WDPCP: variants seen among roughly 807,000 people sequenced by gnomAD.
WDPCP encodes the protein WD repeat containing planar cell polarity effector.
Under a neutral mutation model 93.1 loss-of-function variants are expected in WDPCP, and 71 were observed. That is an observed-to-expected ratio of 0.76 (90% CI 0.63 to 0.93). The LOEUF is 0.93. Among genes scored for constraint, WDPCP ranks in the 40% least tolerant of loss-of-function variants. The pLI, the probability that WDPCP is intolerant of heterozygous loss-of-function variation, is 0.00. For synonymous variants in WDPCP, 315 were observed against 315.0 expected, an observed-to-expected ratio of 1.00 and a Z score of 0.00; for missense variants, 844 against 887.4, an observed-to-expected ratio of 0.95 and a Z score of 0.62.
intron 17 of WDPCP, among the ~76,000 whole-genome samples, chr2:63,143,542 T>C (rs769499289): frequency 5.9e-5 from 9 of 152,236 alleles, no homozygotes; most frequent in Non-Finnish European, 1.0e-4. Flanking sequence ...TCCTGTGTGA[T>C]TTATGCTTTA....
At chr2:63,652,586 C>T (rs1014631417) in intron 2 of WDPCP, among the ~76,000 whole-genome samples, 4 of 152,204 alleles carry the variant, frequency 2.6e-5, no homozygotes, top group Non-Finnish European at 4.4e-5. Context: ...AGCACTGGAG[C>T]TTCATTTTCT....
chr2:63,403,205 A>T (rs1432068968), intron 10 of WDPCP, among the ~76,000 whole-genome samples: 1 of 152,206 alleles, frequency 6.6e-6, no homozygotes, highest in Non-Finnish European at 1.5e-5. Flanking sequence ...TCTCACTTAT[A>T]AGTGGGAGCT....
chr2:63,746,865 T>G (rs1459621244), intron 2 of WDPCP, among the ~76,000 whole-genome samples: 1 of 152,164 alleles, frequency 6.6e-6, no homozygotes. Context: ...TTCTGCCTTG[T>G]GATCTTTTGT....
chr2:63,244,766 T>C (rs185237815), intron 14 of WDPCP, among the ~76,000 whole-genome samples: 231 of 152,300 alleles, frequency 1.5e-3, no homozygotes, highest in Non-Finnish European at 2.5e-3. Context: ...ACATTTCCCC[T>C]CTTTGCTGCT....
the WDPCP span, among the ~76,000 whole-genome samples, chr2:63,834,698 A>T: frequency 6.6e-6 from 1 of 152,204 alleles, no homozygotes; most frequent in Non-Finnish European, 1.5e-5. Context: ...CAGGCCTCTT[A>T]TCCAAGGTGA....
chr2:63,719,743 T>C (rs1316038749), intron 2 of WDPCP, among the ~76,000 whole-genome samples: 1 of 152,178 alleles, frequency 6.6e-6, no homozygotes, highest in Non-Finnish European at 1.5e-5. Flanking sequence ...TATAAAAGTT[T>C]ATAAATTATA....
chr2:63,334,074 G>A (rs1315956936), intron 12 of WDPCP, among the ~76,000 whole-genome samples: 1 of 152,190 alleles, frequency 6.6e-6, no homozygotes, highest in Non-Finnish European at 1.5e-5. Flanking sequence ...GGAATTCTGG[G>A]AGGGGTACCA....
At chr2:63,398,085 CT>C (rs1693877070) in intron 10 of WDPCP, among the ~76,000 whole-genome samples, 2 of 152,056 alleles carry the variant, frequency 1.3e-5, no homozygotes, top group Admixed American at 6.6e-5. Context: ...GGAAGGGATT[CT>C]TTTTCACTGA....
At chr2:63,453,182 G>C (rs1239472823) in intron 6 of WDPCP, among the ~76,000 whole-genome samples, 1 of 152,160 alleles carries the variant, frequency 6.6e-6, no homozygotes, top group African/African-American at 2.4e-5. Flanking sequence ...GAAAATTTTT[G>C]CAATCTACTC....
intron 9 of WDPCP, among the ~76,000 whole-genome samples, chr2:63,426,222 C>T (rs1220649101): frequency 6.6e-6 from 1 of 152,120 alleles, no homozygotes; most frequent in African/African-American, 2.4e-5. Flanking sequence ...CACCTGTAGT[C>T]CCAGCTACTC....
intron 2 of WDPCP, among the ~76,000 whole-genome samples, chr2:63,673,216 A>T (rs2106635241): frequency 6.6e-6 from 1 of 152,342 alleles, no homozygotes; most frequent in East Asian, 1.9e-4. Context: ...AGGAGATACC[A>T]AACCACTTAG....
chr2:63,513,248 T>A (rs180736900), intron 1 of WDPCP, among the ~76,000 whole-genome samples: 2 of 152,296 alleles, frequency 1.3e-5, no homozygotes, highest in East Asian at 3.9e-4. Flanking sequence ...AAATATAGTA[T>A]GCTACATGAT....
chr2:63,320,882 G>C (rs1407164494), intron 12 of WDPCP, among the ~76,000 whole-genome samples: 1 of 152,034 alleles, frequency 6.6e-6, no homozygotes, highest in African/African-American at 2.4e-5. Flanking sequence ...TCAATTAAAA[G>C]ACAAAGACTG....
At chr2:63,640,307 C>T (rs1477030896) in intron 3 of WDPCP, among the ~76,000 whole-genome samples, 1 of 152,158 alleles carries the variant, frequency 6.6e-6, no homozygotes, top group Non-Finnish European at 1.5e-5. Context: ...CATGCCCGGC[C>T]AGATGTAATG....
intron 6 of WDPCP, among the ~76,000 whole-genome samples, chr2:63,451,240 A>G (rs962647038): frequency 6.6e-6 from 1 of 152,100 alleles, no homozygotes; most frequent in African/African-American, 2.4e-5. Flanking sequence ...GAACTAGACC[A>G]AGCAGAAGAG....
At chr2:63,786,822 T>C (rs1245873531) in intron 2 of WDPCP, among the ~76,000 whole-genome samples, 2 of 152,098 alleles carry the variant, frequency 1.3e-5, no homozygotes, top group African/African-American at 2.4e-5. Flanking sequence ...ATTGAACAAA[T>C]GTGAGCACAC....
At chr2:63,439,327 A>G (rs1275600631) in intron 7 of WDPCP, among the ~76,000 whole-genome samples, 1 of 152,098 alleles carries the variant, frequency 6.6e-6, no homozygotes, top group Non-Finnish European at 1.5e-5. Flanking sequence ...TCTCTCTAAG[A>G]CTTTAGGAAC....
At chr2:63,405,022 T>C (rs1390595651) in intron 9 of WDPCP, among the ~76,000 whole-genome samples, 2 of 152,206 alleles carry the variant, frequency 1.3e-5, no homozygotes, top group Admixed American at 6.5e-5. Flanking sequence ...TAATATCATA[T>C]GGTTAGCAGA....
rs1295256928 is a variant in WDPCP, at chr2:63,700,293, AAAAAAAAAAAC to A, written n.309-49466_309-49456del. Among the ~76,000 whole-genome samples, 264 of 148,252 alleles carry A rather than the reference AAAAAAAAAAAC, an allele frequency of 1.8e-3. 1 individual carries two copies. The highest frequency in any genetic ancestry group is 2.9e-3 in the Non-Finnish European group (192 of 66,922). On this transcript the variant is annotated intron_variant and non_coding_transcript_variant, in intron 2 of 4. Coordinates refer to the WDPCP transcript ENST00000467687. ...GTGAGACCCTGTCTCAAAAAAAAAA[AAAAAAAAAAAC>A]AAAAAGAAAAAAAGAAAAAAATGCT...
Sources: gnomAD v4.1 joint callset for allele counts (sites outside exome capture counted in the v4.1 genomes callset) on GRCh38, gnomAD v4.1.1 for gene constraint, MANE v1.5 for transcripts, NCBI Gene and HGNC (gene_info 2026-07-23, HGNC 2026-07-21) for gene names.